Variants in UGT8 observed in about 807,000 individuals in gnomAD.
The protein encoded by UGT8 is UDP glycosyltransferase 8.
In UGT8, 12 loss-of-function variants were observed where a neutral mutation model predicts 40.5. The ratio of observed to expected loss-of-function variants is 0.30; its 90% CI spans 0.19 to 0.48. The LOEUF is 0.48. Among genes scored for constraint, UGT8 ranks in the 20% least tolerant of loss-of-function variants. The pLI is 0.99. For synonymous variants in UGT8, 224 were observed against 240.4 expected (o/e 0.93, Z 0.63); for missense variants, 513 against 648.7 (o/e 0.79, Z 2.27).
chr4:114,659,847 A>C (rs545700401), intron 2 of UGT8, among the ~76,000 whole-genome samples: 13 of 152,324 alleles, frequency 8.5e-5, no homozygotes, highest in African/African-American at 3.1e-4. Context: ...CAAATATAAA[A>C]ATGTAAAATA....
intron 5 of UGT8, among the ~76,000 whole-genome samples, chr4:114,670,454 A>AAAAAAAT: frequency 6.6e-6 from 1 of 150,856 alleles, no homozygotes; most frequent in African/African-American, 2.4e-5. Context: ...AAAAAAAAAA[A>AAAAAAAT]AGCTTATCCA....
chr4:114,659,811 A>G (rs1282306685), intron 2 of UGT8, among the ~76,000 whole-genome samples: 1 of 152,222 alleles, frequency 6.6e-6, no homozygotes, highest in Non-Finnish European at 1.5e-5. Context: ...AATCCCCAAA[A>G]TGAAAAGTAA....
At chr4:114,658,772 G>C (rs1215076009) in intron 2 of UGT8, among the ~76,000 whole-genome samples, 3 of 152,176 alleles carry the variant, frequency 2.0e-5, no homozygotes, top group Admixed American at 6.5e-5. Context: ...TACCCAATGA[G>C]TGTCTTCTTT....
chr4:114,673,488 T>A (rs1735431669), intron 5 of UGT8, among the ~76,000 whole-genome samples: 1 of 152,216 alleles, frequency 6.6e-6, no homozygotes, highest in Non-Finnish European at 1.5e-5. Context: ...GAGTCAGATG[T>A]CAAGAGCTTT....
chr4:114,658,830 A>G (rs1734347426), intron 2 of UGT8, among the ~76,000 whole-genome samples: 1 of 152,126 alleles, frequency 6.6e-6, no homozygotes, highest in Admixed American at 6.5e-5. Context: ...TTTTTTCACC[A>G]TCTTCCATTG....
intron 2 of UGT8, among the ~76,000 whole-genome samples, chr4:114,654,207 G>A (rs1351449271): frequency 6.6e-6 from 1 of 151,996 alleles, no homozygotes; most frequent in South Asian, 2.1e-4. Context: ...TTTCTTAGAA[G>A]AGATAACTTA....
chr4:114,654,815 A>G (rs1229664413), intron 2 of UGT8, among the ~76,000 whole-genome samples: 1 of 152,112 alleles, frequency 6.6e-6, no homozygotes, highest in Non-Finnish European at 1.5e-5. Flanking sequence ...GAGTCAGCCA[A>G]AGCTTACCTG....
At chr4:114,620,987 G>A (rs1457907448) in intron 1 of UGT8, among the ~76,000 whole-genome samples, 1 of 152,104 alleles carries the variant, frequency 6.6e-6, no homozygotes, top group Non-Finnish European at 1.5e-5. Flanking sequence ...GTTTGCATGA[G>A]CAATTGTTTA....
chr4:114,617,029 G>T (rs1456618132), intron 1 of UGT8, among the ~76,000 whole-genome samples: 3 of 152,080 alleles, frequency 2.0e-5, no homozygotes, highest in Non-Finnish European at 4.4e-5. Flanking sequence ...GAGGCAGGCA[G>T]ATCACACGGT....
intron 2 of UGT8, among the ~76,000 whole-genome samples, chr4:114,642,856 G>A (rs1733313551): frequency 6.6e-6 from 1 of 151,952 alleles, no homozygotes; most frequent in African/African-American, 2.4e-5. Context: ...TGCAGAATAT[G>A]GTATTTTTAT....
intron 2 of UGT8, chr4:114,663,779 T>G: frequency 1.0e-6 from 1 of 985,238 alleles, no homozygotes; most frequent in Middle Eastern, 5.2e-4. Context: ...TACTTACAGA[T>G]CTTACCAAAT....
chr4:114,615,633 T>C (rs916235416), intron 1 of UGT8, among the ~76,000 whole-genome samples: 1 of 152,120 alleles, frequency 6.6e-6, no homozygotes, highest in East Asian at 1.9e-4. Flanking sequence ...CCTTTTCTGG[T>C]TTATAATTCT....
rs1735008557 is a variant in UGT8 at position 114,668,164 on chromosome 4, A to G, written c.1122A>G (p.Val374=). The part of the protein sequence containing the change: ...IFETIYHGVP[V]VGIPLFGDHY... ...AAACTATATATCATGGTGTGCCTGT[A>G]GTGGGAATTCCACTCTTTGGAGACC... The change falls in exon 5 of 6, where the codon GTA becomes GTG. Residue 374 remains valine, a synonymous_variant. Coordinates refer to ENST00000310836, the MANE Select transcript of UGT8 (RefSeq NM_001128174.3). 1 of 1,613,880 alleles carries G rather than the reference A, an allele frequency of 6.2e-7. No individual in the cohort carries two copies. Among genetic ancestry groups the G allele is most frequent in the Non-Finnish European group, 8.5e-7 (1 of 1,179,832 alleles).
intron 2 of UGT8, among the ~76,000 whole-genome samples, chr4:114,631,938 A>G (rs1732604012): frequency 6.6e-6 from 1 of 152,200 alleles, no homozygotes; most frequent in South Asian, 2.1e-4. Context: ...TTACAGTTCC[A>G]CTTTGTGAAA....
intron 1 of UGT8, among the ~76,000 whole-genome samples, chr4:114,605,309 C>T (rs1730672725): frequency 6.6e-6 from 1 of 152,044 alleles, no homozygotes; most frequent in African/African-American, 2.4e-5. Flanking sequence ...GATACTGTTT[C>T]CTTGTAGCAT....
chr4:114,605,959 C>A (rs1414571751), intron 1 of UGT8, among the ~76,000 whole-genome samples: 2 of 152,032 alleles, frequency 1.3e-5, no homozygotes, highest in Non-Finnish European at 2.9e-5. Flanking sequence ...ATTAAATATA[C>A]TCAGGGACTT....
At chr4:114,621,585 G>C (rs1731793682) in intron 1 of UGT8, among the ~76,000 whole-genome samples, 1 of 152,120 alleles carries the variant, frequency 6.6e-6, no homozygotes, top group Non-Finnish European at 1.5e-5. Flanking sequence ...TTAAATAAGA[G>C]ACACGTGCTG....
chr4:114,636,406 GA>G (rs1267101297), intron 2 of UGT8, among the ~76,000 whole-genome samples: 1 of 152,178 alleles, frequency 6.6e-6, no homozygotes, highest in Non-Finnish European at 1.5e-5. Context: ...TTGCTAATTA[GA>G]AAATCAAACC....
chr4:114,604,526 G>T (rs1329661156), intron 1 of UGT8, among the ~76,000 whole-genome samples: 7 of 148,852 alleles, frequency 4.7e-5, no homozygotes, highest in African/African-American at 1.7e-4. Context: ...TTTTTCCTAG[G>T]ATTTTCTGTT....
Sources: allele counts gnomAD v4.1 joint callset (sites outside exome capture counted in the v4.1 genomes callset), GRCh38; gene constraint gnomAD v4.1.1; transcripts MANE v1.5; gene names NCBI Gene and HGNC (gene_info 2026-07-23, HGNC 2026-07-21).